The following TLR6 variants were observed in gnomAD, a reference collection of about 807,000 sequenced individuals.
The protein encoded by TLR6 is toll like receptor 6, also known as toll-like receptor 6.
A neutral mutation model predicts 16.1 loss-of-function variants in TLR6; 9 were observed. That is an observed-to-expected ratio of 0.56 (90% CI 0.34 to 0.98). The LOEUF (loss-of-function observed/expected upper bound fraction) is 0.98. Among genes scored for constraint, TLR6 ranks in the 50% least tolerant of loss-of-function variants. The pLI is 0.02. For synonymous variants in TLR6, 340 were observed against 338.6 expected (o/e 1.00, Z -0.04); for missense variants, 786 against 921.0 (o/e 0.85, Z 1.90).
chr4:38,832,902 C>G (rs1579243319), intron 1 of TLR6, among the ~76,000 whole-genome samples: 1 of 152,200 alleles, frequency 6.6e-6, no homozygotes, highest in Non-Finnish European at 1.5e-5. Context: ...CCGCCACTTA[C>G]AGCAACCCCA....
chr4:38,840,019 A>G (rs1225612541), intron 1 of TLR6, among the ~76,000 whole-genome samples: 1 of 152,220 alleles, frequency 6.6e-6, no homozygotes, highest in Non-Finnish European at 1.5e-5. Context: ...GTCCAACTGA[A>G]TCCTCAAATC....
intron 1 of TLR6, among the ~76,000 whole-genome samples, chr4:38,844,753 A>G (rs1015848772): frequency 6.6e-6 from 1 of 152,226 alleles, no homozygotes; most frequent in Non-Finnish European, 1.5e-5. Context: ...TTAAAATCAC[A>G]TTTAAAAATG....
chr4:38,862,646 A>T, the TLR6 span, among the ~76,000 whole-genome samples: 2 of 121,338 alleles, frequency 1.6e-5, no homozygotes, highest in East Asian at 2.7e-4. Flanking sequence ...CCCAGGCTGG[A>T]GTGCAGTGGT....
At chr4:38,829,449 C>A in exon 2 of TLR6, 1 of 1,612,618 alleles carries the variant, frequency 6.2e-7, no homozygotes, top group Non-Finnish European at 8.5e-7. Context: ...AAGCTTTTAA[C>A]AATAGGTTCT....
At chr4:38,842,474 C>A (rs1712321878) in intron 1 of TLR6, among the ~76,000 whole-genome samples, 1 of 152,164 alleles carries the variant, frequency 6.6e-6, no homozygotes, top group Non-Finnish European at 1.5e-5. Flanking sequence ...GGCACACAAG[C>A]CCACAGATCC....
intron 1 of TLR6, among the ~76,000 whole-genome samples, chr4:38,849,702 G>C (rs962815711): frequency 6.6e-6 from 1 of 152,240 alleles, no homozygotes; most frequent in East Asian, 1.9e-4. Flanking sequence ...TAATGGTAAA[G>C]GGATCAATTC....
At chr4:38,834,039 C>T (rs1421088150) in intron 1 of TLR6, among the ~76,000 whole-genome samples, 1 of 149,310 alleles carries the variant, frequency 6.7e-6, no homozygotes, top group East Asian at 2.0e-4. Flanking sequence ...CCAGCCTGGC[C>T]AAAATGGTGA....
At chr4:38,847,321 A>G (rs1027633473) in intron 1 of TLR6, among the ~76,000 whole-genome samples, 3 of 152,208 alleles carry the variant, frequency 2.0e-5, no homozygotes, top group Non-Finnish European at 2.9e-5. Flanking sequence ...AAGATGGCCA[A>G]ATAGGAACAG....
intron 1 of TLR6, among the ~76,000 whole-genome samples, chr4:38,845,739 T>A (rs1159111257): frequency 2.0e-5 from 3 of 152,200 alleles, no homozygotes; most frequent in Non-Finnish European, 4.4e-5. Context: ...AGATAATAAA[T>A]GTATATTGTT....
intron 1 of TLR6, among the ~76,000 whole-genome samples, chr4:38,837,698 T>C (rs73236633): frequency 0.15 from 22,394 of 152,160 alleles, 2,207 homozygotes; most frequent in Middle Eastern, 0.4. Context: ...AAAGATCTTA[T>C]GGCTAAAATT....
chr4:38,858,896 AAAG>A (rs1208267067), upstream of TLR6, among the ~76,000 whole-genome samples: 3 of 147,402 alleles, frequency 2.0e-5, no homozygotes, highest in Non-Finnish European at 3.0e-5. Flanking sequence ...AGAGAGAAAG[AAAG>A]AAAGAAAAGA....
At chr4:38,827,655 T>C in exon 2 of TLR6, 2 of 1,614,228 alleles carry the variant, frequency 1.2e-6, no homozygotes, top group Admixed American at 1.7e-5. Flanking sequence ...TCCAAGTAGA[T>C]GCAGAGGGAG....
At chr4:38,829,236 C>T (rs1313344160) in exon 2 of TLR6, 1 of 1,614,170 alleles carries the variant, frequency 6.2e-7, no homozygotes, top group South Asian at 1.1e-5. Context: ...AGTCTCAAAA[C>T]TGTCAACTCT....
chr4:38,844,632 A>G (rs576271516), intron 1 of TLR6, among the ~76,000 whole-genome samples: 1 of 152,368 alleles, frequency 6.6e-6, no homozygotes, highest in South Asian at 2.1e-4. Flanking sequence ...TCTAGAGTTC[A>G]TAGAGCATTT....
chr4:38,846,560 C>A (rs967515849), intron 1 of TLR6, among the ~76,000 whole-genome samples: 4 of 152,124 alleles, frequency 2.6e-5, no homozygotes, highest in Non-Finnish European at 4.4e-5. Context: ...ACATGGAAGA[C>A]AGATCCATAT....
rs913891933 is a variant in TLR6 at position 38,838,748 on chromosome 4, C to T, written c.-64-9211G>A. On this transcript the variant is annotated intron_variant, in intron 1 of 1. Transcript: ENST00000436693. ...GCTAGAAGAGAAGATCTGAAATGCT[C>T]CCCCACCCACACACAAAATGATGTA... Among the ~76,000 whole-genome samples the T allele has an allele frequency of 3.3e-5, 5 of 151,980 alleles. No homozygotes were observed. In the South Asian group the frequency reaches 6.2e-4, roughly 19 times the overall value.
At chr4:38,857,329 C>G (rs80207351), upstream of TLR6, among the ~76,000 whole-genome samples, 48 of 152,158 alleles carry the variant, frequency 3.2e-4, no homozygotes, top group East Asian at 8.7e-3. Flanking sequence ...CATATTTAGC[C>G]ATATGTACGA....
chr4:38,837,201 C>A (rs1227398288), intron 1 of TLR6, among the ~76,000 whole-genome samples: 1 of 152,048 alleles, frequency 6.6e-6, no homozygotes, highest in East Asian at 1.9e-4. Flanking sequence ...TATCAAAATA[C>A]CAATGATATT....
In TLR6 at chr4:38,829,209, G is replaced by A; in HGVS notation, c.265C>T (p.Gln89Ter). Residue 89 changes from glutamine (Q) to a stop codon, truncating the protein, a stop_gained, in exon 2 of 2, where the codon CAG becomes TAG. Coordinates refer to ENST00000436693, the Ensembl canonical transcript of TLR6. LOFTEE classifies it low-confidence loss of function (END_TRUNC). Reference sequence around the variant, plus strand: ...TTGAAAACACTTAAATCAAGTAGCTGGATTCTGTTATGGGAAAGTCTCAAA... The same window carrying A: ...TTGAAAACACTTAAATCAAGTAGCTAGATTCTGTTATGGGAAAGTCTCAAA... 6.2e-7 allele frequency: 1 copy of A among 1,614,158 alleles called. No individual in the cohort carries two copies. Among genetic ancestry groups the A allele is most frequent in the South Asian group, 1.1e-5 (1 of 91,082 alleles).
Sources: allele counts gnomAD v4.1 joint callset (sites outside exome capture counted in the v4.1 genomes callset), GRCh38; gene constraint gnomAD v4.1.1; transcripts MANE v1.5; gene names NCBI Gene and HGNC (gene_info 2026-07-23, HGNC 2026-07-21).